ABCG4: variants seen among roughly 807,000 people sequenced by gnomAD.
The protein encoded by ABCG4 is ATP-binding cassette sub-family G member 4.
Under a neutral mutation model 64.6 loss-of-function variants are expected in ABCG4, and 35 were observed. The ratio of observed to expected loss-of-function variants is 0.54; its 90% CI spans 0.41 to 0.72. The LOEUF (loss-of-function observed/expected upper bound fraction) is 0.72. Ranked by LOEUF, ABCG4 falls within the 30% of genes least tolerant of loss-of-function variation. ABCG4 has a pLI of 0.00. For synonymous variants in ABCG4, 326 were observed against 348.2 expected, an observed-to-expected ratio of 0.94 and a Z score of 0.71; for missense variants, 610 against 846.3, an observed-to-expected ratio of 0.72 and a Z score of 3.46.
rs1948290317 is a variant in ABCG4 at position 119,158,083 on chromosome 11, AGGTACACAACTTAAT to A, written c.1069-144_1069-130del. The A allele has an allele frequency of 3.0e-6, 2 of 657,102 alleles. No homozygotes were observed. The highest frequency in any genetic ancestry group is 5.2e-6 in the Non-Finnish European group (2 of 381,876). The allele number at this position is 657,102 out of a possible 1,614,324, so 40.7% of individuals were successfully genotyped here. On this transcript the variant is annotated intron_variant, in intron 9 of 14. Transcript: ENST00000619701. This position sits in a 1 kb window ranked among gnomAD's most constrained non-coding sequence, Gnocchi z 4.5. ...ATTCATACCCCTAAGCCTAGCTTTC[AGGTACACAACTTAAT>A]GGTACAAGATTCTCTGTAGACCTGG...
At position 119,161,412 on chromosome 11, in the gene ABCG4, T is replaced by C. The variant is rs1339612350; in HGVS notation, c.*306T>C. The C allele has an allele frequency of 3.5e-6, 1 of 288,848 alleles. No homozygotes were observed. Among genetic ancestry groups the C allele is most frequent in the Non-Finnish European group, 6.6e-6 (1 of 151,400 alleles). The allele number at this position is 288,848 out of a possible 1,614,324, so 17.9% of individuals were successfully genotyped here. ...GAGGCTGCTGCCTCCTTCCTGCCCA[T>C]GGCACCCTCCTCTGCTGTCTGCCTG... is the stretch of plus-strand genomic sequence containing the variant. On this transcript the variant is annotated 3_prime_UTR_variant, in exon 15 of 15. Transcript: ENST00000619701.
rs746369885 is a variant in ABCG4 at position 119,160,773 on chromosome 11, C to G, written c.1716-108C>G. 3 of 1,496,544 alleles carry G rather than the reference C, an allele frequency of 2.0e-6. No individual in the cohort carries two copies. The African/African-American group carries it at 4.1e-5, about 21-fold the overall frequency. 92.7% of individuals were successfully genotyped at this position (1,496,544 alleles called of 1,614,324 possible). On this transcript the variant is annotated intron_variant, in intron 14 of 14. Transcript: ENST00000619701. This position sits in a 1 kb window ranked among gnomAD's most constrained non-coding sequence, Gnocchi z 4.6. ...CCCCATTATCCTTTGGGCAGGGGCACCCTGGCTGCACCCCAGGGATGACAG... is the reference window on the plus strand; with the variant it reads ...CCCCATTATCCTTTGGGCAGGGGCAGCCTGGCTGCACCCCAGGGATGACAG...
chr11:119,159,655 C>T (rs938758377), intron 12 of ABCG4, among the ~76,000 whole-genome samples: 5 of 152,188 alleles, frequency 3.3e-5, no homozygotes, highest in African/African-American at 1.2e-4. Context: ...GCCAATACCA[C>T]CCTGTTCCAA....
rs1948246456 is a variant in ABCG4, at chr11:119,154,919, G to A, written c.686+4G>A. The A allele has an allele frequency of 1.2e-6, 2 of 1,604,444 alleles. No homozygotes were observed. The highest frequency in any genetic ancestry group is 2.7e-5 in the African/African-American group (2 of 74,764). ...TGTTCTTTGATGAGCCCACCAGGTA[G>A]TTCTCTCCACCCTTTCCCACCAGGA... On this transcript the variant is annotated splice_donor_region_variant and intron_variant, in intron 6 of 14. Transcript: ENST00000619701. This position sits in a 1 kb window ranked among gnomAD's most constrained non-coding sequence, Gnocchi z 7.0.
At position 119,154,831 on chromosome 11, in the gene ABCG4, T is replaced by G. The variant is rs776608146; in HGVS notation, c.602T>G (p.Leu201Arg). The G allele has an allele frequency of 2.5e-6, 4 of 1,614,068 alleles. No homozygotes were observed. Among genetic ancestry groups the G allele is most frequent in the Non-Finnish European group, 3.4e-6 (4 of 1,179,922 alleles). ...MSCSHTRTAL[L>R]SGGQRKRLAI... ...TGCTCCCACACGAGGACAGCCCTGC[T>G]CTCTGGCGGGCAGAGGAAGCGTCTG... is the stretch of plus-strand genomic sequence containing the variant. The change falls in exon 6 of 15, where the codon CTC becomes CGC. Residue 201 changes from leucine (L) to arginine (R), a missense_variant. By Grantham distance (102) the Leu-to-Arg change is moderately radical. Transcript: ENST00000619701. The surrounding 1 kb of genome is among the most constrained non-coding windows in gnomAD (Gnocchi z 7.0).
Position 119,160,513 on chromosome 11 carries a change from C to T in ABCG4, c.1597-25C>T, listed in dbSNP as rs530300939. The T allele has an allele frequency of 1.2e-5, 20 of 1,607,180 alleles. No individual in the cohort carries two copies. Among genetic ancestry groups the T allele is most frequent in the Middle Eastern group, 3.3e-4 (2 of 6,054 alleles). On this transcript the variant is annotated intron_variant, in intron 13 of 14. Transcript: ENST00000619701. This position sits in a 1 kb window ranked among gnomAD's most constrained non-coding sequence, Gnocchi z 4.6. ...TTTGTCCTGGTCACCCCTATGATGG[C>T]CTGGCCCCCTCCCTTCCCCTCTAGG...
At chr11:119,151,783 A>G (rs1340255213) in intron 2 of ABCG4, among the ~76,000 whole-genome samples, 1 of 152,214 alleles carries the variant, frequency 6.6e-6, no homozygotes, top group Non-Finnish European at 1.5e-5. Flanking sequence ...CGGCAGAACT[A>G]GAATACCAGT....
chr11:119,157,729 G>A (rs559604678), intron 9 of ABCG4, among the ~76,000 whole-genome samples: 7 of 145,120 alleles, frequency 4.8e-5, no homozygotes, highest in South Asian at 2.3e-4. Flanking sequence ...AGCCGGGCGT[G>A]GTGGCGGGCG....
In ABCG4 at chr11:119,155,899, A is replaced by C; in HGVS notation, c.687-430A>C. On this transcript the variant is annotated intron_variant, in intron 6 of 14. Coordinates refer to ENST00000619701, the MANE Select transcript of ABCG4 (RefSeq NM_022169.5). This position sits in a 1 kb window ranked among gnomAD's most constrained non-coding sequence, Gnocchi z 4.5. ...CCACTGTGCCTGCCCTCTCCCCTTC[A>C]CCTGCTTAGCTCTTACTCCTGGGCT... The C allele has an allele frequency of 5.1e-6, 1 of 197,594 alleles. No individual in the cohort carries two copies. Among genetic ancestry groups the C allele is most frequent in the Non-Finnish European group, 1.1e-5 (1 of 95,178 alleles). The allele number at this position is 197,594 out of a possible 1,614,324, so 12.2% of individuals were successfully genotyped here.
chr11:119,160,443 C>G lies in ABCG4; in HGVS notation c.1596+58C>G, dbSNP rs1460369034. 1.2e-6 allele frequency: 2 copies of G among 1,603,400 alleles called. No homozygotes were observed. The highest frequency in any genetic ancestry group is 2.7e-5 in the African/African-American group (2 of 74,686). Reference sequence around the variant, plus strand: ...CGGGATGAGGTCTTGTGGGAGGAAGCAGGGCCTGGTGCAAGGGTTAGGGTG... The same window carrying G: ...CGGGATGAGGTCTTGTGGGAGGAAGGAGGGCCTGGTGCAAGGGTTAGGGTG... On this transcript the variant is annotated intron_variant, in intron 13 of 14. Transcript: ENST00000619701. This position sits in a 1 kb window ranked among gnomAD's most constrained non-coding sequence, Gnocchi z 4.6.
At chr11:119,159,410 C>A (rs1592308822) in intron 12 of ABCG4, among the ~76,000 whole-genome samples, 1 of 152,096 alleles carries the variant, frequency 6.6e-6, no homozygotes, top group East Asian at 1.9e-4. Context: ...GACTCTGTAA[C>A]TCTTATTAGG....
chr11:119,160,678 G>T lies in ABCG4; in HGVS notation c.1715+22G>T. The T allele has an allele frequency of 1.2e-6, 2 of 1,603,200 alleles. No individual in the cohort carries two copies. Among genetic ancestry groups the T allele is most frequent in the Non-Finnish European group, 1.7e-6 (2 of 1,170,434 alleles). ...TCAGGTCAGTACCCCTGCCCTCCTC[G>T]TTGGCCTCTGCTCCTCCCTGGAGGA... On this transcript the variant is annotated intron_variant, in intron 14 of 14. Transcript: ENST00000619701. This position sits in a 1 kb window ranked among gnomAD's most constrained non-coding sequence, Gnocchi z 4.6.
At position 119,160,872 on chromosome 11, in the gene ABCG4, C is replaced by A; in HGVS notation, c.1716-9C>A. On this transcript the variant is annotated splice_polypyrimidine_tract_variant and intron_variant, in intron 14 of 14. Coordinates refer to ENST00000619701, the MANE Select transcript of ABCG4 (RefSeq NM_022169.5). This position sits in a 1 kb window ranked among gnomAD's most constrained non-coding sequence, Gnocchi z 4.6. ...TGCTGTATCCCATCTGATATCCCTG[C>A]CTGCCTAGGTATGGCTTTGAGGGTG... 1 of 1,611,568 alleles carries A rather than the reference C, an allele frequency of 6.2e-7. No homozygotes were observed.
Position 119,154,860 on chromosome 11 carries a change from A to G in ABCG4, c.631A>G (p.Ile211Val). 1 of 1,614,072 alleles carries G rather than the reference A, an allele frequency of 6.2e-7. No homozygotes were observed. The highest frequency in any genetic ancestry group is 1.1e-5 in the South Asian group (1 of 91,082). The change falls in exon 6 of 15, where the codon ATC (isoleucine) becomes GTC (valine). Residue 211 changes from isoleucine to valine, a missense_variant. Transcript: ENST00000619701. This position sits in a 1 kb window ranked among gnomAD's most constrained non-coding sequence, Gnocchi z 7.0. The part of the protein sequence containing the change: ...LSGGQRKRLA[I>V]ALELVNNPPV... ...TGGCGGGCAGAGGAAGCGTCTGGCC[A>G]TCGCCCTGGAGCTGGTCAACAACCC...
rs1053947775 is a variant in ABCG4 at position 119,160,670 on chromosome 11, C to T, written c.1715+14C>T. 6 of 1,606,968 alleles carry T rather than the reference C, an allele frequency of 3.7e-6. No homozygotes were observed. Among genetic ancestry groups the T allele is most frequent in the Non-Finnish European group, 5.1e-6 (6 of 1,173,800 alleles). ...CTCCTATGTCAGGTCAGTACCCCTG[C>T]CCTCCTCGTTGGCCTCTGCTCCTCC... On this transcript the variant is annotated intron_variant, in intron 14 of 14. Coordinates refer to ENST00000619701, the MANE Select transcript of ABCG4 (RefSeq NM_022169.5). The surrounding 1 kb of genome is among the most constrained non-coding windows in gnomAD (Gnocchi z 4.6).
rs777230608 is a variant in ABCG4 at position 119,160,993 on chromosome 11, G to A, written c.1828G>A (p.Asp610Asn). The part of the protein sequence containing the change: ...REPQSILRAL[D>N]VEDAKLYMDF... ...GCCACAGAGCATCCTCCGAGCGCTGGATGTGGAGGATGCCAAGCTCTACAT... is the reference window on the plus strand; with the variant it reads ...GCCACAGAGCATCCTCCGAGCGCTGAATGTGGAGGATGCCAAGCTCTACAT... The change falls in exon 15 of 15, where the codon GAT becomes AAT. Residue 610 changes from aspartate to asparagine, a missense_variant. By Grantham distance (23) the Asp-to-Asn change is conservative (BLOSUM62 1). Coordinates refer to ENST00000619701, the MANE Select transcript of ABCG4 (RefSeq NM_022169.5). This position sits in a 1 kb window ranked among gnomAD's most constrained non-coding sequence, Gnocchi z 4.6. The A allele has an allele frequency of 2.5e-6, 4 of 1,614,116 alleles. No individual in the cohort carries two copies. The South Asian group carries it at 4.4e-5, about 18-fold the overall frequency.
chr11:119,152,229 C>A (rs1449047595), intron 2 of ABCG4, among the ~76,000 whole-genome samples: 1 of 152,210 alleles, frequency 6.6e-6, no homozygotes, highest in Non-Finnish European at 1.5e-5. Context: ...TGCTGTGTGA[C>A]CCTGGGTGAG....
rs766333292 is a variant in ABCG4 at position 119,154,229 on chromosome 11, T to C, written c.357-31T>C. 3.7e-6 allele frequency: 6 copies of C among 1,613,476 alleles called. No homozygotes were observed. Among genetic ancestry groups the C allele is most frequent in the Non-Finnish European group, 5.1e-6 (6 of 1,179,434 alleles). ...CACAGAAGGTATTCTGAAAGGGCATTGACCCCCATCCTCAACCCACATCCC... is the reference window on the plus strand; with the variant it reads ...CACAGAAGGTATTCTGAAAGGGCATCGACCCCCATCCTCAACCCACATCCC... On this transcript the variant is annotated intron_variant, in intron 3 of 14. Coordinates refer to ENST00000619701, the MANE Select transcript of ABCG4 (RefSeq NM_022169.5). This position sits in a 1 kb window ranked among gnomAD's most constrained non-coding sequence, Gnocchi z 7.0.
rs1409847222 is a variant in ABCG4 at position 119,150,241 on chromosome 11, C to T, written c.238+38C>T. 2 of 1,595,070 alleles carry T rather than the reference C, an allele frequency of 1.3e-6. No homozygotes were observed. Among genetic ancestry groups the T allele is most frequent in the Admixed American group, 1.7e-5 (1 of 59,210 alleles). The stretch of plus-strand genomic sequence containing the variant: ...CTGGTAGGGGGAGTCCGTGGGCCCT[C>T]TCTGAGTTGCCTCTCCAGAAGCATG... On this transcript the variant is annotated intron_variant, in intron 2 of 14. Transcript: ENST00000619701. This position sits in a 1 kb window ranked among gnomAD's most constrained non-coding sequence, Gnocchi z 4.3.
Sources: allele counts gnomAD v4.1 joint callset (sites outside exome capture counted in the v4.1 genomes callset), GRCh38; gene constraint gnomAD v4.1.1; non-coding constraint Gnocchi (gnomAD v3.1); transcripts MANE v1.5; gene names NCBI Gene and HGNC (gene_info 2026-07-23, HGNC 2026-07-21).